Variants in WRAP73 observed in about 807,000 individuals in gnomAD.
The protein encoded by WRAP73 is WD repeat-containing protein WRAP73.
In WRAP73, 55 loss-of-function variants were observed where a neutral mutation model predicts 59.6. That is an observed-to-expected ratio of 0.92 (90% CI 0.74 to 1.15). The LOEUF (loss-of-function observed/expected upper bound fraction) is 1.15, where lower values mean the gene tolerates loss of function less well. Among genes scored for constraint, WRAP73 ranks in the 50% most tolerant of loss-of-function variants. The pLI is 0.00. For synonymous variants in WRAP73, 265 were observed against 258.2 expected (o/e 1.03, Z -0.25); for missense variants, 592 against 608.1 (o/e 0.97, Z 0.28).
At chr1:3,647,208 A>G in intron 2 of WRAP73, 200 bp downstream of exon 2, 1 of 598,254 alleles carries the variant, frequency 1.7e-6, no homozygotes, top group South Asian at 2.7e-5. Flanking sequence ...TCTCAACTAT[A>G]TTGCTTAGAA....
At position 3,632,271 on chromosome 1, in the gene WRAP73, T is replaced by A. The variant is rs745671434; in HGVS notation, c.990A>T (p.Lys330Asn). ...TAAATGCCAGCATTCCTATGCCGAT[T>A]TTCGGGTTTGCTCTGTCGGTAACAG... Reference protein sequence around the residue: ...LKPVTDRANPKIGIGMLAFSP... With the variant: ...LKPVTDRANPNIGIGMLAFSP... Residue 330 changes from lysine to asparagine, a missense_variant, in exon 10 of 12, where the codon AAA (lysine) becomes AAT (asparagine). Lys to Asn is a moderately conservative substitution (Grantham distance 94). Transcript: ENST00000270708. The A allele has an allele frequency of 6.2e-6, 10 of 1,614,124 alleles. No individual in the cohort carries two copies. The highest frequency in any genetic ancestry group is 7.6e-6 in the Non-Finnish European group (9 of 1,180,010).
intron 5 of WRAP73, chr1:3,636,265 G>T (rs113800789): frequency 7.4e-6 from 4 of 541,820 alleles, no homozygotes; most frequent in Admixed American, 6.4e-5. Context: ...TGGTCTCCCC[G>T]CGCCTGCACT....
chr1:3,632,534 G>T, intron 9 of WRAP73, 196 bp from the exon 10 acceptor site: 2 of 778,998 alleles, frequency 2.6e-6, no homozygotes, highest in African/African-American at 1.7e-5. Flanking sequence ...CAAGTGCCCC[G>T]GATGAGAGTG....
intron 4 of WRAP73, among the ~76,000 whole-genome samples, chr1:3,637,789 G>A (rs961352699): frequency 9.2e-5 from 14 of 152,306 alleles, no homozygotes; most frequent in African/African-American, 2.9e-4. Flanking sequence ...AGCTGTGATC[G>A]TGTCACTGCA....
rs1644585378 is a variant in WRAP73, at chr1:3,635,967, CCAGCACA to C, written c.573_579del (p.Cys191TrpfsTer61). ...ACCTCCAAGCAGGTGTCCCACACTG[CCAGCACA>C]CAGCCGTTTGGGGCCCACTCAATCC... On this transcript the variant is annotated frameshift_variant, in exon 6 of 12. Transcript: ENST00000270708. LOFTEE classifies it high-confidence loss of function. 1 of 1,613,944 alleles carries C rather than the reference CCAGCACA, an allele frequency of 6.2e-7. No individual in the cohort carries two copies. Among genetic ancestry groups the C allele is most frequent in the Non-Finnish European group, 8.5e-7 (1 of 1,180,020 alleles).
chr1:3,635,928 C>A lies in WRAP73; in HGVS notation c.603+16G>T. On this transcript the variant is annotated intron_variant, in intron 6 of 11. Coordinates refer to ENST00000270708, the MANE Select transcript of WRAP73 (RefSeq NM_017818.4). Reference sequence around the variant, plus strand: ...AAGCTCTCGAAAGCAAACATGTCACCTGGTCATCTTCATACCTCCAAGCAG... The same window carrying A: ...AAGCTCTCGAAAGCAAACATGTCACATGGTCATCTTCATACCTCCAAGCAG... 6.2e-7 allele frequency: 1 copy of A among 1,610,346 alleles called. No individual in the cohort carries two copies.
At position 3,643,545 on chromosome 1, in the gene WRAP73, C is replaced by T. The variant is rs566881466; in HGVS notation, c.339+3121G>A. ...ACCCTCACGTGGGGTGGCGCCTTCG[C>T]AAGTGGACTCAGCGGCCCCACTAAC... On this transcript the variant is annotated intron_variant, in intron 3 of 11. Coordinates refer to ENST00000270708, the MANE Select transcript of WRAP73 (RefSeq NM_017818.4). Among the ~76,000 whole-genome samples the T allele has an allele frequency of 3.2e-4, 49 of 151,564 alleles. No individual in the cohort carries two copies. In the Middle Eastern group the frequency reaches 0.014, roughly 42 times the overall value.
In WRAP73 at chr1:3,647,537, T is replaced by G. The variant is rs762324427; in HGVS notation, c.93A>C (p.Leu31Phe). The G allele has an allele frequency of 1.2e-6, 2 of 1,613,882 alleles. No homozygotes were observed. The highest frequency in any genetic ancestry group is 1.7e-5 in the Admixed American group (1 of 59,986). Reference protein sequence around the residue: ...KYLASCVQYRLVVRDVNTLQI... With the variant: ...KYLASCVQYRFVVRDVNTLQI... ...GAAGGGTGTTCACATCCCGGACCACTAACCGGTACTGGACACAGGAAGCCT... is the reference window on the plus strand; with the variant it reads ...GAAGGGTGTTCACATCCCGGACCACGAACCGGTACTGGACACAGGAAGCCT... Residue 31 changes from leucine to phenylalanine, a missense_variant, in exon 2 of 12, where the codon TTA becomes TTC. By Grantham distance (22) the Leu-to-Phe change is conservative. Coordinates refer to ENST00000270708, the MANE Select transcript of WRAP73 (RefSeq NM_017818.4).
chr1:3,632,615 C>G (rs1644547506), intron 9 of WRAP73: 2 of 479,848 alleles, frequency 4.2e-6, no homozygotes, highest in East Asian at 8.2e-5. Context: ...TGGAGAGGGA[C>G]ATGGACAGGT....
chr1:3,635,124 G>C, intron 7 of WRAP73, 36 bp downstream of exon 7: 1 of 1,614,140 alleles, frequency 6.2e-7, no homozygotes, highest in Non-Finnish European at 8.5e-7. Flanking sequence ...CCCGCTGGGC[G>C]GTCGGACTTC....
intron 5 of WRAP73, 46 bp downstream of exon 5, chr1:3,636,949 C>T: frequency 6.3e-7 from 1 of 1,581,458 alleles, no homozygotes; most frequent in Non-Finnish European, 8.7e-7. Context: ...CTCGATCCCT[C>T]CACAGTCAGC....
In WRAP73 at chr1:3,630,857, A is replaced by C; in HGVS notation, c.*118T>G. 7.4e-7 allele frequency: 1 copy of C among 1,355,240 alleles called. No homozygotes were observed. Among genetic ancestry groups the C allele is most frequent in the Non-Finnish European group, 1.0e-6 (1 of 998,338 alleles). 84.0% of individuals were successfully genotyped at this position (1,355,240 alleles called of 1,614,324 possible). On this transcript the variant is annotated 3_prime_UTR_variant, in exon 12 of 12. Coordinates refer to ENST00000270708, the MANE Select transcript of WRAP73 (RefSeq NM_017818.4). ...TACAAAAATGCTTTGCTATAGAAAA[A>C]TAGAATCAATCACTGAATCCAGACC... is the stretch of plus-strand genomic sequence containing the variant.
At chr1:3,644,640 G>A (rs1644673278) in intron 3 of WRAP73, among the ~76,000 whole-genome samples, 1 of 152,198 alleles carries the variant, frequency 6.6e-6, no homozygotes, top group African/African-American at 2.4e-5. Flanking sequence ...TCCACCACCT[G>A]GTCTTAACGT....
At chr1:3,636,420 C>T in intron 5 of WRAP73, 1 of 322,500 alleles carries the variant, frequency 3.1e-6, no homozygotes, top group Non-Finnish European at 6.0e-6. Flanking sequence ...GGTCTCCCCG[C>T]ACCTGCACTC....
chr1:3,635,163 T>A lies in WRAP73; in HGVS notation c.735A>T (p.Gly245=). Residue 245 remains glycine, a synonymous_variant, in exon 7 of 12, where the codon GGA becomes GGT. Transcript: ENST00000270708. The part of the protein sequence containing the change: ...SQFLAVGSYD[G]KVRILNHVTW... The stretch of plus-strand genomic sequence containing the variant: ...AGTGCCCTGCACTGGTTCCCACCTT[T>A]CCATCATAGCTCCCAACTGCCAGGA... 4 of 1,614,132 alleles carry A rather than the reference T, an allele frequency of 2.5e-6. No individual in the cohort carries two copies. Among genetic ancestry groups the A allele is most frequent in the Non-Finnish European group, 2.5e-6 (3 of 1,180,038 alleles).
Position 3,636,956 on chromosome 1 carries a change from C to A in WRAP73, c.516+39G>T. ...CTACTTCACTCGATCCCTCCACAGT[C>A]AGCAGGACAACTTTATTCCAGTCTG... On this transcript the variant is annotated intron_variant, in intron 5 of 11. Coordinates refer to ENST00000270708, the MANE Select transcript of WRAP73 (RefSeq NM_017818.4). The A allele has an allele frequency of 1.9e-6, 3 of 1,593,770 alleles. No homozygotes were observed. In the South Asian group the frequency reaches 3.3e-5, roughly 18 times the overall value.
At chr1:3,645,319 G>C (rs866270456) in intron 3 of WRAP73, among the ~76,000 whole-genome samples, 3 of 152,200 alleles carry the variant, frequency 2.0e-5, no homozygotes, top group Middle Eastern at 3.4e-3. Context: ...GCAGCGGGAC[G>C]GGAGGGCTGC....
chr1:3,639,111 T>G lies in WRAP73; in HGVS notation c.340-289A>C. The G allele has an allele frequency of 2.5e-6, 1 of 397,282 alleles. No individual in the cohort carries two copies. Among genetic ancestry groups the G allele is most frequent in the Non-Finnish European group, 4.6e-6 (1 of 219,492 alleles). 24.6% of individuals were successfully genotyped at this position (397,282 alleles called of 1,614,324 possible). ...TTCATTAGCTTTTTCAAAGTGACCA[T>G]AGGTTGCATGTTATAATAACCCTGA... On this transcript the variant is annotated intron_variant, in intron 3 of 11. Coordinates refer to ENST00000270708, the MANE Select transcript of WRAP73 (RefSeq NM_017818.4). This position sits in a 1 kb window ranked among gnomAD's most constrained non-coding sequence, Gnocchi z 4.3.
chr1:3,643,451 C>G (rs185420121), intron 3 of WRAP73, among the ~76,000 whole-genome samples: 73 of 152,354 alleles, frequency 4.8e-4, no homozygotes, highest in Middle Eastern at 6.8e-3. Context: ...TGAACCTCGT[C>G]TAATGGGCGC....
Sources: allele counts gnomAD v4.1 joint callset (sites outside exome capture counted in the v4.1 genomes callset), GRCh38; gene constraint gnomAD v4.1.1; non-coding constraint Gnocchi (gnomAD v3.1); transcripts MANE v1.5; gene names NCBI Gene and HGNC (gene_info 2026-07-23, HGNC 2026-07-21).